Variants in AP3D1 observed in about 807,000 individuals in gnomAD.
AP3D1 encodes AP-3 complex subunit delta-1.
Under a neutral mutation model 147.6 loss-of-function variants are expected in AP3D1, and 51 were observed. That is an observed-to-expected ratio of 0.35 (90% CI 0.28 to 0.44). The LOEUF is 0.44. AP3D1 is among the 20% of genes least tolerant of loss of function. The pLI, the probability that AP3D1 is intolerant of heterozygous loss-of-function variation, is 1.00. For synonymous variants in AP3D1, 760 were observed against 663.0 expected (o/e 1.15, Z -2.25); for missense variants, 1,421 against 1,624.2 (o/e 0.87, Z 2.15).
Position 2,140,165 on chromosome 19 carries a change from G to A in AP3D1, c.97-1451C>T, listed in dbSNP as rs779755027. Among the ~76,000 whole-genome samples, 9 of 152,180 alleles carry A rather than the reference G, an allele frequency of 5.9e-5. No individual in the cohort carries two copies. In the Middle Eastern group the frequency reaches 0.014, roughly 230 times the overall value. On this transcript the variant is annotated intron_variant, in intron 1 of 31. Transcript: ENST00000643116. ...AGGGTCAGGACTGTTGATTTAAAAGGAAAAGAACAAAAAGACCATCCCAGG... is the reference window on the plus strand; with the variant it reads ...AGGGTCAGGACTGTTGATTTAAAAGAAAAAGAACAAAAAGACCATCCCAGG...
intron 27 of AP3D1, 74 bp downstream of exon 27, chr19:2,110,632 CG>C: frequency 1.4e-6 from 2 of 1,417,856 alleles, no homozygotes; most frequent in Non-Finnish European, 1.9e-6. Context: ...CAAGAACCAG[CG>C]GATCCGGGCA....
intron 27 of AP3D1, 73 bp from the exon 28 acceptor site, chr19:2,110,297 C>T (rs1239776117): frequency 1.5e-6 from 2 of 1,306,768 alleles, no homozygotes; most frequent in African/African-American, 1.5e-5. Context: ...CCAGGTCTGT[C>T]CTCAGTCCCA....
At chr19:2,154,520 G>C (rs1466136689), upstream of AP3D1, among the ~76,000 whole-genome samples, 1 of 151,962 alleles carries the variant, frequency 6.6e-6, no homozygotes, top group Non-Finnish European at 1.5e-5. Flanking sequence ...CTCGTGATCT[G>C]CCTGCTTCAG....
At chr19:2,110,997 C>T in intron 26 of AP3D1, 101 bp from the exon 27 acceptor site, 1 of 1,346,266 alleles carries the variant, frequency 7.4e-7, no homozygotes, top group Non-Finnish European at 1.0e-6. Context: ...AGGGGTCCCA[C>T]AGGCACAGGA....
Position 2,113,348 on chromosome 19 carries a change from G to A in AP3D1, c.2667C>T (p.Pro889=), listed in dbSNP as rs554478547. Residue 889 remains proline, a synonymous_variant, in exon 23 of 32, where the codon CCC becomes CCT. Transcript: ENST00000643116. ...GCCAGTCTCTTACCGTGGATGGAACGGGGGCGGGGGCGGGGGCGGGGGCAG... is the reference window on the plus strand; with the variant it reads ...GCCAGTCTCTTACCGTGGATGGAACAGGGGCGGGGGCGGGGGCGGGGGCAG... ...PPPAPAPAPA[P]VPSTGELSVN... 20,214 of 1,418,042 alleles carry A rather than the reference G, an allele frequency of 0.014. 210 individuals carry two copies. Among genetic ancestry groups the A allele is most frequent in the Non-Finnish European group, 0.017 (17,886 of 1,067,116 alleles). The allele number at this position is 1,418,042 out of a possible 1,614,324, so 87.8% of individuals were successfully genotyped here.
chr19:2,122,874 T>C (rs1434024057), intron 11 of AP3D1, among the ~76,000 whole-genome samples: 1 of 152,126 alleles, frequency 6.6e-6, no homozygotes, highest in South Asian at 2.1e-4. Flanking sequence ...AGGTACAAGG[T>C]ACCAGGCAGG....
In AP3D1 at chr19:2,111,732, C is replaced by T. The variant is rs778205414; in HGVS notation, c.2884G>A (p.Glu962Lys). 8.7e-6 allele frequency: 14 copies of T among 1,606,638 alleles called. No individual in the cohort carries two copies. In the South Asian group the frequency reaches 1.4e-4, roughly 17 times the overall value. ...KSKKQPPGSE[E>K]AAGEPVQNGA... ...TTCTGCACCGGCTCCCCCGCTGCCTCCTCGCTGCCTGGAGGCTGCTTCTTG... is the reference window on the plus strand; with the variant it reads ...TTCTGCACCGGCTCCCCCGCTGCCTTCTCGCTGCCTGGAGGCTGCTTCTTG... The change falls in exon 25 of 32, where the codon GAG (glutamate) becomes AAG (lysine). Residue 962 changes from glutamate (E) to lysine (K), a missense_variant. Glu to Lys is a moderately conservative substitution (Grantham distance 56, BLOSUM62 1). Transcript: ENST00000643116.
At chr19:2,153,424 C>CT (rs1351660127), upstream of AP3D1, among the ~76,000 whole-genome samples, 25 of 151,832 alleles carry the variant, frequency 1.6e-4, 1 homozygote, top group East Asian at 4.8e-3. Flanking sequence ...GCCTATAACC[C>CT]CAGCACTTCG....
chr19:2,141,768 C>G (rs948704855), intron 1 of AP3D1, among the ~76,000 whole-genome samples: 5 of 150,760 alleles, frequency 3.3e-5, no homozygotes, highest in African/African-American at 1.2e-4. Context: ...GAGATAGGGT[C>G]TTCCTCTATT....
At position 2,108,728 on chromosome 19, in the gene AP3D1, G is replaced by C. The variant is rs760710224; in HGVS notation, c.3511C>G (p.Arg1171Gly). ...RVDSCASMYS[R>G]SIQGHHVCLL... is the part of the protein sequence containing the mutation. ...CAGACATGGTGGCCCTGGATGGAGC[G>C]GCTGTACATGGAGGCGCAGGAGTCC... Residue 1171 changes from arginine (R) to glycine (G), a missense_variant, in exon 31 of 32, where the codon CGC (arginine) becomes GGC (glycine). Around this residue, in one of 6 missense-constraint regions of AP3D1, gnomAD observed 791 missense variants for 761.4 expected, o/e 1.04. Transcript: ENST00000643116. The C allele has an allele frequency of 6.3e-7, 1 of 1,583,344 alleles. No individual in the cohort carries two copies. The highest frequency in any genetic ancestry group is 8.6e-7 in the Non-Finnish European group (1 of 1,165,090).
intron 4 of AP3D1, among the ~76,000 whole-genome samples, chr19:2,134,071 G>A (rs2019016696): frequency 6.6e-6 from 1 of 151,938 alleles, no homozygotes; most frequent in Admixed American, 6.6e-5. Flanking sequence ...TTGTACTCCA[G>A]ATGGCGACAG....
chr19:2,131,728 G>A (rs2018953946), intron 5 of AP3D1, among the ~76,000 whole-genome samples: 4 of 107,070 alleles, frequency 3.7e-5, no homozygotes, highest in South Asian at 3.1e-4. Flanking sequence ...CAGCCACGCG[G>A]GGACCGCGCC....
intron 9 of AP3D1, among the ~76,000 whole-genome samples, chr19:2,126,431 G>A (rs112415544): frequency 0.078 from 11,902 of 152,074 alleles, 903 homozygotes; most frequent in African/African-American, 0.19. Flanking sequence ...CGAGGCAGGC[G>A]GATCAAGAGG....
At position 2,108,318 on chromosome 19, in the gene AP3D1, C is replaced by T. The variant is rs1215849232; in HGVS notation, c.3552+369G>A. On this transcript the variant is annotated intron_variant, in intron 31 of 31. Coordinates refer to ENST00000643116, the MANE Select transcript of AP3D1 (RefSeq NM_001261826.3). ...CTGCAGTACTCAGGAGAGGGAGGCC[C>T]GGAGCGGAGGGAGCGAGGAGTCATT... is the stretch of plus-strand genomic sequence containing the variant. Among the ~76,000 whole-genome samples, 3 of 152,336 alleles carry T rather than the reference C, an allele frequency of 2.0e-5. No individual in the cohort carries two copies. The South Asian group carries it at 6.2e-4, about 32-fold the overall frequency.
chr19:2,162,885 TC>T (rs771262966), intron 1 of AP3D1, among the ~76,000 whole-genome samples: 7 of 151,538 alleles, frequency 4.6e-5, no homozygotes, highest in Non-Finnish European at 7.4e-5. Flanking sequence ...GGTGTTGGTG[TC>T]CCCCGGGGAC....
In AP3D1 at chr19:2,116,645, T is replaced by C. The variant is rs1251912299; in HGVS notation, c.1961A>G (p.Lys654Arg). The C allele has an allele frequency of 1.9e-6, 3 of 1,604,506 alleles. No individual in the cohort carries two copies. Among genetic ancestry groups the C allele is most frequent in the Admixed American group, 3.4e-5 (2 of 59,230 alleles). The part of the protein sequence containing the change: ...VFHEEEQRRP[K>R]HRPSEADEEE... ...CTCGTCCGCCTCCGACGGCCGGTGC[T>C]TGGGACGCCGCTGCTCCTCCTCGTG... The change falls in exon 17 of 32, where the codon AAG becomes AGG. Residue 654 changes from lysine (K) to arginine (R), a missense_variant. By Grantham distance (26) the Lys-to-Arg change is conservative (BLOSUM62 2). Around this residue, in one of 6 missense-constraint regions of AP3D1, gnomAD observed 791 missense variants for 761.4 expected, o/e 1.04. Transcript: ENST00000643116.
At chr19:2,110,311 C>T in intron 27 of AP3D1, 87 bp from the exon 28 acceptor site, 1 of 1,131,154 alleles carries the variant, frequency 8.8e-7, no homozygotes, top group East Asian at 2.4e-5. Context: ...AGTCCCAAGT[C>T]CTCTGTGGCT....
chr19:2,115,805 C>T (rs2018431017), intron 18 of AP3D1, among the ~76,000 whole-genome samples, 192 bp from the exon 19 acceptor site: 1 of 152,260 alleles, frequency 6.6e-6, no homozygotes, highest in Non-Finnish European at 1.5e-5. Flanking sequence ...ACAGTGAGGA[C>T]TGGAAAGCTT....
chr19:2,148,429 T>C (rs1051104689), intron 1 of AP3D1, among the ~76,000 whole-genome samples: 6 of 152,202 alleles, frequency 3.9e-5, no homozygotes, highest in Non-Finnish European at 8.8e-5. Flanking sequence ...GACAGGACGG[T>C]TACTGTATGT....
Sources: gnomAD v4.1 joint callset for allele counts (sites outside exome capture counted in the v4.1 genomes callset) on GRCh38, gnomAD v4.1.1 for gene constraint, gnomAD v4.1.1 regional missense constraint, MANE v1.5 for transcripts, NCBI Gene and HGNC (gene_info 2026-07-23, HGNC 2026-07-21) for gene names.